Variants in SRRM4 observed in about 807,000 individuals in gnomAD.
The protein encoded by SRRM4 is serine/arginine repetitive matrix 4.
In SRRM4, 33 loss-of-function variants were observed where a neutral mutation model predicts 68.9. That is an observed-to-expected ratio of 0.48 (90% CI 0.36 to 0.64). The LOEUF (loss-of-function observed/expected upper bound fraction) is 0.64, where lower values mean the gene tolerates loss of function less well. Among genes scored for constraint, SRRM4 ranks in the 30% least tolerant of loss-of-function variants. The pLI is 0.00. For missense variants in SRRM4, 817 were observed against 827.1 expected, an observed-to-expected ratio of 0.99 and a Z score of 0.15; for synonymous variants, 318 against 318.8, an observed-to-expected ratio of 1.00 and a Z score of 0.03.
At chr12:119,089,325 C>A (rs1169592098) in intron 1 of SRRM4, among the ~76,000 whole-genome samples, 1 of 152,152 alleles carries the variant, frequency 6.6e-6, no homozygotes, top group Non-Finnish European at 1.5e-5. Context: ...CTCTAATAAA[C>A]CCACAATCCT....
chr12:119,115,567 T>C (rs1055636347), intron 3 of SRRM4, among the ~76,000 whole-genome samples: 1 of 152,116 alleles, frequency 6.6e-6, no homozygotes, highest in Admixed American at 6.5e-5. Context: ...CCCCTTAGCC[T>C]CATTCTAAAA....
intron 1 of SRRM4, among the ~76,000 whole-genome samples, chr12:119,082,998 A>T (rs1565904521): frequency 1.3e-5 from 2 of 152,184 alleles, no homozygotes; most frequent in Non-Finnish European, 2.9e-5. Flanking sequence ...GCGGGGAAGG[A>T]GAGGAGGATT....
intron 1 of SRRM4, among the ~76,000 whole-genome samples, chr12:119,071,454 C>A (rs1391755736): frequency 6.6e-6 from 1 of 152,180 alleles, no homozygotes; most frequent in Non-Finnish European, 1.5e-5. Flanking sequence ...ACATACGAAG[C>A]ACACAGTAAA....
chr12:119,152,613 T>C (rs968900410), intron 10 of SRRM4, among the ~76,000 whole-genome samples: 3 of 152,234 alleles, frequency 2.0e-5, no homozygotes, highest in African/African-American at 7.2e-5. Flanking sequence ...GGACTCTATA[T>C]GGTGCAGTGA....
At chr12:119,126,848 G>T (rs906419727) in intron 7 of SRRM4, among the ~76,000 whole-genome samples, 1 of 150,112 alleles carries the variant, frequency 6.7e-6, no homozygotes, top group African/African-American at 2.5e-5. Flanking sequence ...AGAAAATGTG[G>T]CACATATACA....
chr12:119,005,738 T>C lies in SRRM4; in HGVS notation c.131+23725T>C, dbSNP rs138014151. ...TGCCTATCACAGAGTAATCGATCAA[T>C]ACCTGTTTGCATTATTGTTACTGAT... On this transcript the variant is annotated intron_variant, in intron 1 of 12. Coordinates refer to ENST00000267260, the MANE Select transcript of SRRM4 (RefSeq NM_194286.4). Among the ~76,000 whole-genome samples, 574 of 152,340 alleles carry C rather than the reference T, an allele frequency of 3.8e-3. 5 individuals carry two copies. The highest frequency in any genetic ancestry group is 4.6e-3 in the Non-Finnish European group (316 of 68,028).
chr12:119,067,357 A>G (rs1025696763), intron 1 of SRRM4, among the ~76,000 whole-genome samples: 10 of 152,126 alleles, frequency 6.6e-5, no homozygotes, highest in African/African-American at 2.2e-4. Flanking sequence ...TAACAACCCT[A>G]GTATGGTTCG....
chr12:119,090,073 G>A (rs1954004698), intron 1 of SRRM4, among the ~76,000 whole-genome samples: 2 of 152,094 alleles, frequency 1.3e-5, no homozygotes, highest in South Asian at 4.2e-4. Flanking sequence ...TGTTGACAAG[G>A]GGCAGGGACC....
At chr12:119,058,865 G>A (rs1417556604) in intron 1 of SRRM4, among the ~76,000 whole-genome samples, 1 of 152,148 alleles carries the variant, frequency 6.6e-6, no homozygotes, top group African/African-American at 2.4e-5. Flanking sequence ...GCCAATAGCA[G>A]CTATATTTGG....
chr12:118,982,049 G>T, intron 1 of SRRM4, 36 bp downstream of exon 1: 3 of 1,584,392 alleles, frequency 1.9e-6, no homozygotes, highest in Non-Finnish European at 2.6e-6. Flanking sequence ...GGATCCTGAA[G>T]GTCCTCCTTT....
rs1237539662 is a variant in SRRM4 at position 119,116,948 on chromosome 12, A to C, written c.377A>C (p.Tyr126Ser). 1.2e-6 allele frequency: 2 copies of C among 1,613,612 alleles called. No individual in the cohort carries two copies. The highest frequency in any genetic ancestry group is 1.3e-5 in the African/African-American group (1 of 74,882). ...CTTGGCCCTGGCAGGTCCTCATCCTATAGCCCATCGCCTGTCAAGAAAAAG... is the reference window on the plus strand; with the variant it reads ...CTTGGCCCTGGCAGGTCCTCATCCTCTAGCCCATCGCCTGTCAAGAAAAAG... ...TRKKRRRSSS[Y>S]SPSPVKKKKK... is the part of the protein sequence containing the mutation. The change falls in exon 4 of 13, where the codon TAT becomes TCT. Residue 126 changes from tyrosine (Y) to serine (S), a missense_variant. Physicochemically the swap from Tyr to Ser is moderately radical, Grantham distance 144 (BLOSUM62 -2). Coordinates refer to ENST00000267260, the MANE Select transcript of SRRM4 (RefSeq NM_194286.4).
At chr12:119,130,091 G>A (rs1954286058) in intron 7 of SRRM4, among the ~76,000 whole-genome samples, 1 of 151,892 alleles carries the variant, frequency 6.6e-6, no homozygotes, top group Non-Finnish European at 1.5e-5. Flanking sequence ...ATGATTGGAT[G>A]GACGGATGAA....
chr12:119,033,656 C>A (rs1306636079), intron 1 of SRRM4, among the ~76,000 whole-genome samples: 1 of 132,310 alleles, frequency 7.6e-6, no homozygotes, highest in Admixed American at 7.9e-5. Context: ...GAATGAGACT[C>A]CATCTCAAAA....
intron 1 of SRRM4, among the ~76,000 whole-genome samples, chr12:119,014,271 C>G (rs998405269): frequency 6.6e-6 from 1 of 152,102 alleles, no homozygotes; most frequent in Admixed American, 6.6e-5. Context: ...TGTGTTGCCT[C>G]AAACTTTCTG....
intron 1 of SRRM4, among the ~76,000 whole-genome samples, chr12:118,987,460 TC>T (rs1249876274): frequency 6.6e-6 from 1 of 152,166 alleles, no homozygotes; most frequent in Non-Finnish European, 1.5e-5. Context: ...GCTTTGGTGC[TC>T]CCTAAAGAGC....
intron 1 of SRRM4, among the ~76,000 whole-genome samples, chr12:119,073,453 G>T (rs1364749310): frequency 6.6e-6 from 1 of 151,842 alleles, no homozygotes; most frequent in East Asian, 1.9e-4. Flanking sequence ...TGAGCCTCCC[G>T]AGTAGCTGAG....
chr12:119,116,387 G>A (rs1954179963), intron 3 of SRRM4, among the ~76,000 whole-genome samples: 1 of 152,194 alleles, frequency 6.6e-6, no homozygotes, highest in South Asian at 2.1e-4. Flanking sequence ...CAGGGGCTCA[G>A]TCTTACCAGG....
At chr12:119,073,203 CA>C (rs1456845784) in intron 1 of SRRM4, among the ~76,000 whole-genome samples, 3 of 151,858 alleles carry the variant, frequency 2.0e-5, no homozygotes, top group African/African-American at 7.3e-5. Context: ...GTATATGAGG[CA>C]AGTGGTTAAG....
chr12:119,066,115 T>G (rs558338535), intron 1 of SRRM4, among the ~76,000 whole-genome samples: 1 of 152,344 alleles, frequency 6.6e-6, no homozygotes, highest in South Asian at 2.1e-4. Flanking sequence ...AGGCTTTGTG[T>G]GCTCATTGAA....
Sources: allele counts gnomAD v4.1 joint callset (sites outside exome capture counted in the v4.1 genomes callset), GRCh38; gene constraint gnomAD v4.1.1; transcripts MANE v1.5; gene names NCBI Gene and HGNC (gene_info 2026-07-23, HGNC 2026-07-21).